The following AGPS variants were observed in gnomAD, a reference collection of about 807,000 sequenced individuals.
The protein encoded by AGPS is alkylglycerone phosphate synthase.
A neutral mutation model predicts 90.7 loss-of-function variants in AGPS; 26 were observed. The observed-to-expected ratio is 0.29, with a 90% CI of 0.21 to 0.40. The LOEUF is 0.40. Ranked by LOEUF, AGPS falls within the 10% of genes least tolerant of loss-of-function variation. AGPS has a pLI of 1.00. For synonymous variants in AGPS, 294 were observed against 285.3 expected, an observed-to-expected ratio of 1.03 and a Z score of -0.31; for missense variants, 540 against 816.1, an observed-to-expected ratio of 0.66 and a Z score of 4.12.
Position 177,409,202 on chromosome 2 carries a change from CA to C in AGPS, c.261-11059del, listed in dbSNP as rs1300160356. On this transcript the variant is annotated intron_variant, in intron 1 of 19. Coordinates refer to ENST00000264167, the MANE Select transcript of AGPS (RefSeq NM_003659.4). Reference sequence around the variant, plus strand: ...AATCATTATTTTAAGTAAAACAAACCAAAAAAAACCCAACTACTGTTTTGTT... The same window carrying C: ...AATCATTATTTTAAGTAAAACAAACCAAAAAAACCCAACTACTGTTTTGTT... Among the ~76,000 whole-genome samples the C allele has an allele frequency of 3.4e-5, 5 of 147,440 alleles. No individual in the cohort carries two copies. The East Asian group carries it at 7.9e-4, about 23-fold the overall frequency.
Position 177,444,823 on chromosome 2 carries a change from T to C in AGPS, c.790-723T>C, listed in dbSNP as rs181057608. On this transcript the variant is annotated intron_variant, in intron 7 of 19. Coordinates refer to ENST00000264167, the MANE Select transcript of AGPS (RefSeq NM_003659.4). The stretch of plus-strand genomic sequence containing the variant: ...GTCTGCTCTTAATAGTAGAAAGTAA[T>C]TCATGAAAATTCATATATGTATATA... Among the ~76,000 whole-genome samples, 591 of 152,296 alleles carry C rather than the reference T, an allele frequency of 3.9e-3. 5 individuals are homozygous for C. Among genetic ancestry groups the C allele is most frequent in the African/African-American group, 0.014 (575 of 41,566 alleles).
intron 1 of AGPS, 35 bp from the exon 2 acceptor site, chr2:177,420,234 A>C (rs1386955146): frequency 6.8e-6 from 9 of 1,325,614 alleles, no homozygotes; most frequent in Non-Finnish European, 8.7e-6. Flanking sequence ...GATGTTTAGC[A>C]TTGGTCTCAC....
At chr2:177,462,794 A>G (rs1011173447) in intron 9 of AGPS, among the ~76,000 whole-genome samples, 2 of 152,216 alleles carry the variant, frequency 1.3e-5, no homozygotes. Flanking sequence ...GAGGATGTGC[A>G]TAGGTTTTAT....
At chr2:177,415,589 A>C (rs1465510576) in intron 1 of AGPS, among the ~76,000 whole-genome samples, 1 of 152,224 alleles carries the variant, frequency 6.6e-6, no homozygotes, top group Non-Finnish European at 1.5e-5. Context: ...GGAAGATTGA[A>C]ATTCTTGTTG....
At chr2:177,488,929 T>C (rs1481551212) in intron 11 of AGPS, among the ~76,000 whole-genome samples, 1 of 152,140 alleles carries the variant, frequency 6.6e-6, no homozygotes, top group African/African-American at 2.4e-5. Context: ...ATGTGAAATA[T>C]ATGTTAATGT....
At chr2:177,497,159 T>C (rs556005480) in intron 12 of AGPS, among the ~76,000 whole-genome samples, 1 of 152,136 alleles carries the variant, frequency 6.6e-6, no homozygotes, top group South Asian at 2.1e-4. Context: ...TTGGCAATTT[T>C]AACTCTCCGG....
intron 7 of AGPS, among the ~76,000 whole-genome samples, chr2:177,444,497 A>G (rs1686710687): frequency 6.6e-6 from 1 of 152,080 alleles, no homozygotes; most frequent in Admixed American, 6.6e-5. Flanking sequence ...GTTTTATGTA[A>G]CATAAAACTA....
chr2:177,439,508 TAG>T (rs1686531568), intron 5 of AGPS, among the ~76,000 whole-genome samples: 1 of 152,192 alleles, frequency 6.6e-6, no homozygotes. Context: ...GTATTCTATT[TAG>T]TAAATTTACC....
chr2:177,480,084 C>G (rs1687899888), intron 10 of AGPS, among the ~76,000 whole-genome samples: 1 of 152,092 alleles, frequency 6.6e-6, no homozygotes, highest in Non-Finnish European at 1.5e-5. Context: ...GAGGCTGAGG[C>G]AGGAGAATTT....
At chr2:177,495,581 A>G (rs1258527241) in intron 12 of AGPS, among the ~76,000 whole-genome samples, 3 of 152,128 alleles carry the variant, frequency 2.0e-5, no homozygotes, top group African/African-American at 7.2e-5. Context: ...CTGTCCAGCT[A>G]GTAAATTTGG....
chr2:177,412,968 G>A (rs945068464), intron 1 of AGPS, among the ~76,000 whole-genome samples: 4 of 152,172 alleles, frequency 2.6e-5, no homozygotes, highest in African/African-American at 9.7e-5. Flanking sequence ...TGGACACCCT[G>A]CTGGATCTGG....
chr2:177,470,529 C>T (rs1687582895), intron 10 of AGPS, among the ~76,000 whole-genome samples: 1 of 151,662 alleles, frequency 6.6e-6, no homozygotes, highest in South Asian at 2.1e-4. Flanking sequence ...CATGTTGAAA[C>T]CCCATCTCTA....
intron 8 of AGPS, among the ~76,000 whole-genome samples, chr2:177,454,320 G>A (rs1183420620): frequency 6.6e-6 from 1 of 151,646 alleles, no homozygotes; most frequent in African/African-American, 2.4e-5. Flanking sequence ...ATTTTGCTAT[G>A]TCTTTTCTGC....
At chr2:177,409,810 C>G (rs1685569178) in intron 1 of AGPS, among the ~76,000 whole-genome samples, 1 of 152,126 alleles carries the variant, frequency 6.6e-6, no homozygotes, top group African/African-American at 2.4e-5. Flanking sequence ...ACTTCTACAC[C>G]TTCTATTCTG....
rs1035594573 is a variant in AGPS, at chr2:177,468,398, G to A, written c.997-18G>A. 2.1e-5 allele frequency: 30 copies of A among 1,431,556 alleles called. No homozygotes were observed. The highest frequency in any genetic ancestry group is 2.3e-4 in the Middle Eastern group (1 of 4,444). The allele number at this position is 1,431,556 out of a possible 1,614,324, so 88.7% of individuals were successfully genotyped here. On this transcript the variant is annotated intron_variant, in intron 9 of 19. Transcript: ENST00000264167. Reference sequence around the variant, plus strand: ...CTAACAGATGTCTAGAATTTACATCGTGTATTGTATTAAACAGGTGGTTCA... The same window carrying A: ...CTAACAGATGTCTAGAATTTACATCATGTATTGTATTAAACAGGTGGTTCA...
At chr2:177,525,792 C>T (rs1223563193) in intron 19 of AGPS, among the ~76,000 whole-genome samples, 2 of 152,136 alleles carry the variant, frequency 1.3e-5, no homozygotes, top group Non-Finnish European at 2.9e-5. Flanking sequence ...CAGTTTTTTC[C>T]TCGGCCAGTG....
At chr2:177,413,492 A>G (rs1380272314) in intron 1 of AGPS, among the ~76,000 whole-genome samples, 1 of 152,224 alleles carries the variant, frequency 6.6e-6, no homozygotes, top group Non-Finnish European at 1.5e-5. Context: ...AATGAAAGTG[A>G]ATTGGCATTT....
intron 11 of AGPS, among the ~76,000 whole-genome samples, chr2:177,486,757 T>C (rs1022426895): frequency 6.7e-6 from 1 of 148,858 alleles, no homozygotes; most frequent in Non-Finnish European, 1.5e-5. Flanking sequence ...CTATTCTTAC[T>C]GAAGGAAATA....
At chr2:177,437,494 A>G (rs1474047947) in intron 5 of AGPS, among the ~76,000 whole-genome samples, 2 of 152,168 alleles carry the variant, frequency 1.3e-5, no homozygotes. Flanking sequence ...TATGCATGCT[A>G]TGTTTAAAAT....
Sources: allele counts gnomAD v4.1 joint callset (sites outside exome capture counted in the v4.1 genomes callset), GRCh38; gene constraint gnomAD v4.1.1; transcripts MANE v1.5; gene names NCBI Gene and HGNC (gene_info 2026-07-23, HGNC 2026-07-21).